The following HACL2 variants were observed in gnomAD, a reference collection of about 807,000 sequenced individuals.
HACL2 encodes 2-hydroxyacyl-CoA lyase 2, also known as 2-hydroxyacyl-CoA lyase 1 like.
At chr19:15,122,751 G>A in the HACL2 span, 2 of 1,614,138 alleles carry the variant, frequency 1.2e-6, no homozygotes, top group Non-Finnish European at 8.5e-7. This position sits in a 1 kb window ranked among gnomAD's most constrained non-coding sequence, Gnocchi z 4.0. Flanking sequence ...ATCTCCTTCT[G>A]GACCATGAAG....
At chr19:15,119,488 G>C in the HACL2 span, 1 of 1,614,084 alleles carries the variant, frequency 6.2e-7, no homozygotes, top group South Asian at 1.1e-5. Context: ...CTCTTGGCCC[G>C]GCTCAGGATC....
chr19:15,116,092 T>G, the HACL2 span: 2 of 1,613,338 alleles, frequency 1.2e-6, no homozygotes. Flanking sequence ...CAAGAGCAGG[T>G]GGGTGTGAAG....
the HACL2 span, among the ~76,000 whole-genome samples, chr19:15,120,987 CAA>C: frequency 2.6e-5 from 4 of 152,078 alleles, no homozygotes; most frequent in Admixed American, 6.6e-5. Flanking sequence ...AGAGGCAGCC[CAA>C]GAGAGAGGGG....
the HACL2 span, chr19:15,120,199 G>C: frequency 4.1e-3 from 2,580 of 622,846 alleles, 41 homozygotes; most frequent in African/African-American, 0.043. Context: ...CATGGGGACA[G>C]GGTGGATGAG....
the HACL2 span, chr19:15,120,078 A>G: frequency 3.2e-6 from 5 of 1,543,388 alleles, no homozygotes; most frequent in Non-Finnish European, 4.4e-6. Context: ...AATTCTCTAA[A>G]TACCTGCAAA....
At chr19:15,124,925 C>T in the HACL2 span, 4 of 1,604,676 alleles carry the variant, frequency 2.5e-6, no homozygotes, top group Non-Finnish European at 3.4e-6. Flanking sequence ...TGCCCCGCAC[C>T]TTGTGCAGCA....
the HACL2 span, chr19:15,123,091 C>T: frequency 2.5e-6 from 4 of 1,612,634 alleles, no homozygotes; most frequent in Non-Finnish European, 3.4e-6. The surrounding 1 kb of genome is among the most constrained non-coding windows in gnomAD (Gnocchi z 5.1). Context: ...CCCTAGGCCC[C>T]CACTGGCCCC....
the HACL2 span, chr19:15,125,152 T>G: frequency 7.5e-7 from 1 of 1,334,088 alleles, no homozygotes; most frequent in Non-Finnish European, 1.0e-6. Flanking sequence ...CGCAGCAGGA[T>G]CCAGGGCCAC....
chr19:15,117,966 G>A, the HACL2 span: 8 of 1,614,082 alleles, frequency 5.0e-6, no homozygotes, highest in South Asian at 7.7e-5. Flanking sequence ...TGATCTTGCT[G>A]CTGTGGCTGA....
chr19:15,119,949 A>G, the HACL2 span: 3 of 1,426,792 alleles, frequency 2.1e-6, no homozygotes, highest in African/African-American at 4.3e-5. Context: ...GGGAGAGGGT[A>G]GGGTCCTCAG....
the HACL2 span, chr19:15,125,141 T>C: frequency 7.2e-7 from 1 of 1,390,370 alleles, no homozygotes; most frequent in African/African-American, 1.5e-5. Context: ...GCGCCCCTTC[T>C]CGCAGCAGGA....
the HACL2 span, chr19:15,116,554 G>A: frequency 6.4e-7 from 1 of 1,557,148 alleles, no homozygotes; most frequent in Non-Finnish European, 8.8e-7. Context: ...GCTGTGGGGA[G>A]CTGGCTTCCT....
chr19:15,116,629 G>T, the HACL2 span: 1 of 858,736 alleles, frequency 1.2e-6, no homozygotes, highest in Non-Finnish European at 1.8e-6. Context: ...CGAGCAGGCA[G>T]ACGGGAAGCA....
chr19:15,124,966 C>T, the HACL2 span: 1 of 1,607,840 alleles, frequency 6.2e-7, no homozygotes, highest in Admixed American at 1.7e-5. Context: ...CGGTGAGCGG[C>T]GCCCAGCAAG....
chr19:15,125,769 G>C, the HACL2 span: 1 of 152,292 alleles, frequency 6.6e-6, no homozygotes, highest in East Asian at 1.9e-4. Flanking sequence ...GCGCCCCGTA[G>C]TCCGGCCCGA....
chr19:15,115,231 A>G, the HACL2 span: 1,127 of 1,613,856 alleles, frequency 7.0e-4, 8 homozygotes, highest in Admixed American at 0.018. Flanking sequence ...AAGGCAGCCA[A>G]GCGTCCTGAC....
At chr19:15,116,434 GGCTTCCC>G in the HACL2 span, 1 of 1,613,876 alleles carries the variant, frequency 6.2e-7, no homozygotes, top group Admixed American at 1.7e-5. Context: ...TCTGCCGGTC[GGCTTCCC>G]GCAGCTCCTC....
chr19:15,119,877 G>T, the HACL2 span: 1 of 763,840 alleles, frequency 1.3e-6, no homozygotes, highest in Non-Finnish European at 2.1e-6. Context: ...GTCGCCATGA[G>T]CACCCAAGAT....
chr19:15,117,680 A>G, the HACL2 span: 3 of 532,276 alleles, frequency 5.6e-6, no homozygotes, highest in South Asian at 7.8e-5. Context: ...CCTCGTCTCT[A>G]AAAAATAAAA....
Sources: gnomAD v4.1 joint callset for allele counts (sites outside exome capture counted in the v4.1 genomes callset) on GRCh38, gnomAD v4.1.1 for gene constraint, Gnocchi (gnomAD v3.1) non-coding constraint, MANE v1.5 for transcripts, NCBI Gene and HGNC (gene_info 2026-07-23, HGNC 2026-07-21) for gene names.